PRKAG2: variants seen among roughly 807,000 people sequenced by gnomAD.
PRKAG2 encodes the protein 5'-AMP-activated protein kinase subunit gamma-2.
A neutral mutation model predicts 69.6 loss-of-function variants in PRKAG2; 26 were observed. The ratio of observed to expected loss-of-function variants is 0.37; its 90% CI spans 0.27 to 0.52. The LOEUF (loss-of-function observed/expected upper bound fraction) is 0.52. Among genes scored for constraint, PRKAG2 ranks in the 20% least tolerant of loss-of-function variants. The pLI, the probability that PRKAG2 is intolerant of heterozygous loss-of-function variation, is 0.90. For missense variants in PRKAG2, 557 were observed against 740.0 expected (o/e 0.75, Z 2.87); for synonymous variants, 293 against 285.0 (o/e 1.03, Z -0.28).
chr7:151,666,088 G>A (rs1171451282), intron 4 of PRKAG2, among the ~76,000 whole-genome samples: 1 of 152,148 alleles, frequency 6.6e-6, no homozygotes, highest in Non-Finnish European at 1.5e-5. Context: ...CACACCGGAT[G>A]AAACAAGTAT....
At chr7:151,621,153 C>A (rs77329718) in intron 5 of PRKAG2, among the ~76,000 whole-genome samples, 2 of 152,158 alleles carry the variant, frequency 1.3e-5, no homozygotes, top group Non-Finnish European at 2.9e-5. Flanking sequence ...TAAGACTGAT[C>A]GCTTGTTTTC....
intron 4 of PRKAG2, among the ~76,000 whole-genome samples, chr7:151,669,916 ATG>A (rs1831665311): frequency 2.6e-4 from 39 of 149,308 alleles, no homozygotes; most frequent in Middle Eastern, 3.7e-3. Context: ...ACATACCTGC[ATG>A]CACACACACC....
chr7:151,557,909 A>AT (rs1554447141), intron 15 of PRKAG2: 1 of 976,116 alleles, frequency 1.0e-6, no homozygotes, highest in African/African-American at 1.8e-5. Context: ...CAAAAAAAAA[A>AT]CCTTTATAAA....
chr7:151,846,478 TA>T (rs1168105978), intron 1 of PRKAG2, among the ~76,000 whole-genome samples: 1 of 151,904 alleles, frequency 6.6e-6, no homozygotes, highest in African/African-American at 2.4e-5. Flanking sequence ...AATTTAAAAA[TA>T]AAAAAATAAA....
chr7:151,832,332 A>G (rs1161587134), intron 1 of PRKAG2, among the ~76,000 whole-genome samples: 2 of 151,916 alleles, frequency 1.3e-5, no homozygotes, highest in African/African-American at 4.8e-5. Context: ...GAGTTTGTGG[A>G]CACCAGTTCA....
intron 3 of PRKAG2, among the ~76,000 whole-genome samples, chr7:151,775,445 G>A (rs905312929): frequency 1.3e-5 from 2 of 152,184 alleles, no homozygotes; most frequent in Non-Finnish European, 2.9e-5. Flanking sequence ...CCCTTCCTGA[G>A]TCCTGAGGGT....
intron 3 of PRKAG2, among the ~76,000 whole-genome samples, chr7:151,740,298 T>C (rs2073789908): frequency 6.6e-6 from 1 of 152,206 alleles, no homozygotes; most frequent in South Asian, 2.1e-4. Context: ...GGCCTTGCTG[T>C]GTCATCTCCC....
chr7:151,827,745 TAAAAAAAAAAAAAAAA>T (rs55685618), intron 1 of PRKAG2, among the ~76,000 whole-genome samples: 7 of 52,248 alleles, frequency 1.3e-4, no homozygotes, highest in East Asian at 6.8e-4. Flanking sequence ...TGGCCTTAGG[TAAAAAAAAAAAAAAAA>T]AAAAAAAAAA....
chr7:151,808,494 T>C (rs996630763), intron 1 of PRKAG2, among the ~76,000 whole-genome samples: 3 of 151,898 alleles, frequency 2.0e-5, no homozygotes, highest in Non-Finnish European at 1.5e-5. Context: ...TGGTCCAAAG[T>C]GCACACAAGG....
chr7:151,778,488 A>G (rs941191448), intron 3 of PRKAG2, among the ~76,000 whole-genome samples: 5 of 152,172 alleles, frequency 3.3e-5, no homozygotes, highest in African/African-American at 1.2e-4. Flanking sequence ...TAGCAATGCA[A>G]AATGGAGCAA....
At chr7:151,628,635 G>A (rs191069165) in intron 5 of PRKAG2, among the ~76,000 whole-genome samples, 16 of 152,188 alleles carry the variant, frequency 1.1e-4, no homozygotes, top group Admixed American at 9.8e-4. Flanking sequence ...GAGCCCAGGA[G>A]GTTGAGGCTG....
chr7:151,629,964 T>C (rs1373745490), intron 5 of PRKAG2, among the ~76,000 whole-genome samples: 1 of 152,194 alleles, frequency 6.6e-6, no homozygotes, highest in Non-Finnish European at 1.5e-5. Flanking sequence ...ATAAGCAATT[T>C]AAAGTTCAAA....
At chr7:151,591,922 C>A (rs1334856683) in intron 6 of PRKAG2, among the ~76,000 whole-genome samples, 2 of 152,126 alleles carry the variant, frequency 1.3e-5, no homozygotes, top group African/African-American at 2.4e-5. Context: ...CTTATAGAGA[C>A]CAAACAAGCT....
chr7:151,619,932 A>G (rs1169391515), intron 5 of PRKAG2, among the ~76,000 whole-genome samples: 2 of 152,198 alleles, frequency 1.3e-5, no homozygotes, highest in Admixed American at 6.5e-5. Context: ...GAGGCAGGAG[A>G]ATCACTTGAA....
chr7:151,762,925 G>A (rs1232295438), intron 3 of PRKAG2, among the ~76,000 whole-genome samples: 1 of 152,182 alleles, frequency 6.6e-6, no homozygotes, highest in East Asian at 1.9e-4. Context: ...CAAGACCATG[G>A]GGACAAACAG....
At chr7:151,871,690 C>T (rs913710721) in intron 1 of PRKAG2, among the ~76,000 whole-genome samples, 1 of 152,252 alleles carries the variant, frequency 6.6e-6, no homozygotes, top group Non-Finnish European at 1.5e-5. Context: ...AGGCTGTCCC[C>T]TAAAATGGAT....
At chr7:151,675,356 C>A (rs1832746718) in intron 4 of PRKAG2, 64 bp downstream of exon 4, 2 of 1,483,944 alleles carry the variant, frequency 1.3e-6, no homozygotes, top group Non-Finnish European at 1.9e-6. Context: ...CAGCTTGGGG[C>A]AATAACTGCT....
intron 1 of PRKAG2, among the ~76,000 whole-genome samples, chr7:151,825,461 A>G (rs1193861033): frequency 6.6e-6 from 1 of 152,114 alleles, no homozygotes; most frequent in Non-Finnish European, 1.5e-5. Flanking sequence ...AATGCTCCCA[A>G]CCCTGACATA....
Position 151,669,473 on chromosome 7 carries a change from G to A in PRKAG2, c.684+5947C>T, listed in dbSNP as rs189336567. Among the ~76,000 whole-genome samples, 3 of 152,302 alleles carry A rather than the reference G, an allele frequency of 2.0e-5. No individual in the cohort carries two copies. In the East Asian group the frequency reaches 5.8e-4, roughly 29 times the overall value. ...GCTCCTGTGATGCTGTGTTCACTTG[G>A]ATTTCTGCCTCATTTCCAGGGAATT... On this transcript the variant is annotated intron_variant, in intron 4 of 15. Transcript: ENST00000287878.
Sources: allele counts gnomAD v4.1 joint callset (sites outside exome capture counted in the v4.1 genomes callset), GRCh38; gene constraint gnomAD v4.1.1; transcripts MANE v1.5; gene names NCBI Gene and HGNC (gene_info 2026-07-23, HGNC 2026-07-21).